MYO3A: variants seen among roughly 807,000 people sequenced by gnomAD.
The protein encoded by MYO3A is myosin-IIIa.
In MYO3A, 180 loss-of-function variants were observed where a neutral mutation model predicts 192.7. The observed-to-expected ratio is 0.93, with a 90% CI of 0.83 to 1.06. The LOEUF (loss-of-function observed/expected upper bound fraction) is 1.06. MYO3A is among the 50% of genes least tolerant of loss of function. MYO3A has a pLI of 0.00. For missense variants in MYO3A, 1,896 were observed against 1,905.0 expected, an observed-to-expected ratio of 1.00 and a Z score of 0.09; for synonymous variants, 628 against 645.3, an observed-to-expected ratio of 0.97 and a Z score of 0.41.
chr10:26,101,581 A>G (rs1362926053), intron 17 of MYO3A, among the ~76,000 whole-genome samples: 3 of 152,170 alleles, frequency 2.0e-5, no homozygotes, highest in Middle Eastern at 3.2e-3. Flanking sequence ...AGCTCTTGTA[A>G]GGCAGGCCTG....
chr10:25,986,938 AT>A (rs1424804396), intron 4 of MYO3A, among the ~76,000 whole-genome samples: 1 of 152,238 alleles, frequency 6.6e-6, no homozygotes, highest in Non-Finnish European at 1.5e-5. Flanking sequence ...ATCTGGAGGC[AT>A]CACATTACCC....
At chr10:26,007,344 C>A (rs990258142) in intron 6 of MYO3A, among the ~76,000 whole-genome samples, 2 of 150,330 alleles carry the variant, frequency 1.3e-5, no homozygotes, top group African/African-American at 5.0e-5. Context: ...CCCTCTCTCA[C>A]CACTCCTATT....
Position 26,173,822 on chromosome 10 carries a change from T to A in MYO3A, c.3558T>A (p.Tyr1186Ter). 6.2e-7 allele frequency: 1 copy of A among 1,614,028 alleles called. No homozygotes were observed. The highest frequency in any genetic ancestry group is 8.5e-7 in the Non-Finnish European group (1 of 1,180,010). Reference sequence around the variant, plus strand: ...CTGTGGAGAGTAACAACAGAGTGTATCAGACTCCAAAAAAAATGAATAATG... The same window carrying A: ...CTGTGGAGAGTAACAACAGAGTGTAACAGACTCCAAAAAAAATGAATAATG... The part of the protein sequence containing the change: ...TNAVESNNRV[Y>*]QTPKKMNNVY... Residue 1186 changes from tyrosine to a stop codon, truncating the protein, a stop_gained, in exon 30 of 35, where the codon TAT becomes TAA. Coordinates refer to ENST00000642920, the MANE Select transcript of MYO3A (RefSeq NM_017433.5). LOFTEE classifies it high-confidence loss of function.
intron 33 of MYO3A, among the ~76,000 whole-genome samples, chr10:26,202,346 C>T (rs1843715370): frequency 6.6e-6 from 1 of 152,206 alleles, no homozygotes; most frequent in African/African-American, 2.4e-5. Flanking sequence ...ACCTGTTTAT[C>T]TCTTAGGAAG....
chr10:25,974,654 C>T (rs1169078044), intron 4 of MYO3A, among the ~76,000 whole-genome samples: 1 of 152,170 alleles, frequency 6.6e-6, no homozygotes, highest in Non-Finnish European at 1.5e-5. Context: ...GCCACAGACT[C>T]CTACTGTTCT....
chr10:25,966,075 T>C (rs1423960394), intron 4 of MYO3A, among the ~76,000 whole-genome samples: 3 of 152,008 alleles, frequency 2.0e-5, no homozygotes, highest in African/African-American at 7.2e-5. Flanking sequence ...TCTGTGTACA[T>C]AGTTATTAAC....
intron 2 of MYO3A, among the ~76,000 whole-genome samples, chr10:25,946,592 C>T (rs1336831760): frequency 2.7e-5 from 4 of 150,820 alleles, no homozygotes; most frequent in African/African-American, 9.8e-5. Context: ...TTAGATTTGC[C>T]TTGCAGGCCA....
At position 26,174,294 on chromosome 10, in the gene MYO3A, G is replaced by A; in HGVS notation, c.4030G>A (p.Glu1344Lys). 1 of 1,614,030 alleles carries A rather than the reference G, an allele frequency of 6.2e-7. No homozygotes were observed. Among genetic ancestry groups the A allele is most frequent in the South Asian group, 1.1e-5 (1 of 91,064 alleles). The change falls in exon 30 of 35, where the codon GAG becomes AAG. Residue 1344 changes from glutamate (E) to lysine (K), a missense_variant. Physicochemically the swap from Glu to Lys is moderately conservative, Grantham distance 56 (BLOSUM62 1). Transcript: ENST00000642920. ...AGTTGAACCAGTGACACAGGCCCAG[G>A]AGGAAGAAGATAAAGCAGCGGTATT... ...RQVEPVTQAQEEEDKAAVFIQ... is the reference protein window; with the variant it reads ...RQVEPVTQAQKEEDKAAVFIQ...
intron 4 of MYO3A, among the ~76,000 whole-genome samples, chr10:25,980,325 A>T (rs1325424391): frequency 6.6e-6 from 1 of 152,034 alleles, no homozygotes; most frequent in Admixed American, 6.5e-5. Flanking sequence ...AACAACAAAA[A>T]ACCCTCACTA....
intron 14 of MYO3A, among the ~76,000 whole-genome samples, chr10:26,085,178 T>A (rs1455233955): frequency 1.6e-5 from 2 of 122,574 alleles, no homozygotes; most frequent in Non-Finnish European, 3.9e-5. Context: ...TAAGGGTTTG[T>A]CAATCTTATT....
intron 6 of MYO3A, among the ~76,000 whole-genome samples, chr10:26,015,301 G>C (rs2131036873): frequency 6.6e-6 from 1 of 152,082 alleles, no homozygotes; most frequent in Admixed American, 6.6e-5. Context: ...CTTCTCTCTT[G>C]AGATGATTAT....
intron 10 of MYO3A, among the ~76,000 whole-genome samples, chr10:26,034,395 A>G (rs1024483811): frequency 1.3e-5 from 2 of 152,220 alleles, no homozygotes; most frequent in African/African-American, 4.8e-5. Flanking sequence ...GCCACTGTCT[A>G]CAGCAGCCCA....
chr10:26,035,579 A>G (rs189843750), intron 10 of MYO3A, among the ~76,000 whole-genome samples: 1 of 152,206 alleles, frequency 6.6e-6, no homozygotes, highest in African/African-American at 2.4e-5. Flanking sequence ...TTATACAATC[A>G]TAGATTATTT....
chr10:26,174,570 ATAAAT>A lies in MYO3A; in HGVS notation c.4293+15_4293+19del. 6.2e-7 allele frequency: 1 copy of A among 1,604,760 alleles called. No individual in the cohort carries two copies. The highest frequency in any genetic ancestry group is 8.5e-7 in the Non-Finnish European group (1 of 1,172,494). ...TTTTTCAAAACAGGTATGTGAATAA[ATAAAT>A]TTATTTACTAATAAAAGTCCCTGGG... On this transcript the variant is annotated intron_variant, in intron 30 of 34. Coordinates refer to ENST00000642920, the MANE Select transcript of MYO3A (RefSeq NM_017433.5).
In MYO3A at chr10:26,118,326, T is replaced by C. The variant is rs554664869; in HGVS notation, c.1777-2350T>C. On this transcript the variant is annotated intron_variant, in intron 17 of 34. Coordinates refer to ENST00000642920, the MANE Select transcript of MYO3A (RefSeq NM_017433.5). ...AAGTTATACATATTACAAATGCTAA[T>C]TCCTTATCAGAGTTTCCTTAGAAAA... is the stretch of plus-strand genomic sequence containing the variant. Among the ~76,000 whole-genome samples, 7 of 152,342 alleles carry C rather than the reference T, an allele frequency of 4.6e-5. No homozygotes were observed. In the South Asian group the frequency reaches 6.2e-4, roughly 14 times the overall value.
intron 14 of MYO3A, among the ~76,000 whole-genome samples, chr10:26,074,791 G>A (rs1481052882): frequency 1.3e-5 from 2 of 151,892 alleles, no homozygotes; most frequent in Non-Finnish European, 2.9e-5. Flanking sequence ...AGCATTTGAT[G>A]TGATATCCAA....
chr10:25,943,132 C>T (rs528077402), intron 2 of MYO3A, among the ~76,000 whole-genome samples: 62 of 152,020 alleles, frequency 4.1e-4, no homozygotes, highest in African/African-American at 1.4e-3. Context: ...TATGATCTAA[C>T]AGTAATGTTC....
chr10:26,011,734 A>G (rs934627541), intron 6 of MYO3A, among the ~76,000 whole-genome samples: 1 of 152,196 alleles, frequency 6.6e-6, no homozygotes. Flanking sequence ...AAGACTGAGA[A>G]AGAAGGATTC....
chr10:26,082,421 T>C (rs1176592852), intron 14 of MYO3A, among the ~76,000 whole-genome samples: 1 of 152,202 alleles, frequency 6.6e-6, no homozygotes, highest in Non-Finnish European at 1.5e-5. Flanking sequence ...TACTTTTATA[T>C]GTTGATTTTG....
Sources: allele counts gnomAD v4.1 joint callset (sites outside exome capture counted in the v4.1 genomes callset), GRCh38; gene constraint gnomAD v4.1.1; transcripts MANE v1.5; gene names NCBI Gene and HGNC (gene_info 2026-07-23, HGNC 2026-07-21).